The following BAZ1B variants were observed in gnomAD, a reference collection of about 807,000 sequenced individuals.
BAZ1B encodes the protein tyrosine-protein kinase BAZ1B.
A neutral mutation model predicts 153.8 loss-of-function variants in BAZ1B; 22 were observed. The ratio of observed to expected loss-of-function variants is 0.14; its 90% confidence interval spans 0.10 to 0.20. The LOEUF (loss-of-function observed/expected upper bound fraction) is 0.20. Ranked by LOEUF, BAZ1B falls within the 10% of genes least tolerant of loss-of-function variation. The pLI is 1.00. For missense variants in BAZ1B, 1,325 were observed against 1,799.3 expected, an observed-to-expected ratio of 0.74 and a Z score of 4.77; for synonymous variants, 676 against 633.4, an observed-to-expected ratio of 1.07 and a Z score of -1.01.
chr7:73,519,924 T>C (rs1790966650), intron 1 of BAZ1B, among the ~76,000 whole-genome samples: 1 of 151,922 alleles, frequency 6.6e-6, no homozygotes, highest in African/African-American at 2.4e-5. Context: ...AGTAGGGTAC[T>C]GGCCAGGCGC....
intron 7 of BAZ1B, among the ~76,000 whole-genome samples, chr7:73,474,782 A>G (rs1788938417): frequency 6.6e-6 from 1 of 152,204 alleles, no homozygotes; most frequent in Non-Finnish European, 1.5e-5. Context: ...GTCTCCCCCA[A>G]AAAAAGTAAA....
chr7:73,466,452 G>A (rs781832104), intron 9 of BAZ1B, 51 bp from the exon 10 acceptor site: 1 of 1,311,496 alleles, frequency 7.6e-7, no homozygotes, highest in Non-Finnish European at 1.1e-6. Context: ...CCAATTGCTA[G>A]TTTCAAATCT....
intron 15 of BAZ1B, among the ~76,000 whole-genome samples, chr7:73,448,973 A>C (rs1464857612): frequency 1.3e-5 from 2 of 152,212 alleles, no homozygotes; most frequent in African/African-American, 4.8e-5. Context: ...TTGAGAAGCC[A>C]CCAAAGGAGC....
intron 11 of BAZ1B, 83 bp from the exon 12 acceptor site, chr7:73,463,182 AT>A: frequency 7.9e-7 from 1 of 1,265,812 alleles, no homozygotes; most frequent in South Asian, 1.5e-5. Context: ...AACATGTTTT[AT>A]TTCTAGAAAA....
intron 16 of BAZ1B, 103 bp downstream of exon 16, chr7:73,447,161 A>G: frequency 1.3e-6 from 2 of 1,598,654 alleles, no homozygotes; most frequent in Non-Finnish European, 1.7e-6. Context: ...GAGAAAAGGA[A>G]TAGGGCAAGC....
intron 4 of BAZ1B, among the ~76,000 whole-genome samples, chr7:73,495,740 T>C (rs1209295813): frequency 6.6e-6 from 1 of 152,204 alleles, no homozygotes; most frequent in Non-Finnish European, 1.5e-5. Context: ...GCGACATGAA[T>C]GAAGCTGGAG....
At chr7:73,455,590 G>A (rs1217024817) in intron 13 of BAZ1B, among the ~76,000 whole-genome samples, 4 of 151,990 alleles carry the variant, frequency 2.6e-5, no homozygotes, top group Admixed American at 2.0e-4. Context: ...AAGACCAGCC[G>A]GCCAACACAG....
chr7:73,445,273 C>T (rs1554566254), intron 16 of BAZ1B, among the ~76,000 whole-genome samples: 1 of 152,254 alleles, frequency 6.6e-6, no homozygotes, highest in Non-Finnish European at 1.5e-5. Flanking sequence ...TTCTGGATCA[C>T]GATAACCCTT....
intron 13 of BAZ1B, among the ~76,000 whole-genome samples, chr7:73,458,146 G>A (rs1382822334): frequency 6.6e-6 from 1 of 152,188 alleles, no homozygotes; most frequent in African/African-American, 2.4e-5. Context: ...GAATAGTCTC[G>A]TGGGACAGAG....
chr7:73,498,779 A>G, intron 3 of BAZ1B, 81 bp from the exon 4 acceptor site: 1 of 1,198,328 alleles, frequency 8.3e-7, no homozygotes. Context: ...CATCCAATAT[A>G]CATGCCTCCT....
chr7:73,444,024 G>T lies in BAZ1B; in HGVS notation c.3950C>A (p.Pro1317His), dbSNP rs1554565716. 1.2e-6 allele frequency: 2 copies of T among 1,613,878 alleles called. No individual in the cohort carries two copies. Among genetic ancestry groups the T allele is most frequent in the Non-Finnish European group, 1.7e-6 (2 of 1,179,918 alleles). The change falls in exon 17 of 20, where the codon CCC becomes CAC. Residue 1317 changes from proline to histidine, a missense_variant. Around this residue, in one of 9 missense-constraint regions of BAZ1B, gnomAD observed 271 missense variants for 337.2 expected, o/e 0.80. Transcript: ENST00000339594. ...KKPHSTRRSQ[P>H]KAPPVDDAEV... ...AGCATCATCCACAGGTGGTGCCTTG[G>T]GCTGAGACCTCCTGGTAGAGTGTGG... is the stretch of plus-strand genomic sequence containing the variant.
At chr7:73,463,971 G>A (rs1304558511) in intron 11 of BAZ1B, 1 of 273,242 alleles carries the variant, frequency 3.7e-6, no homozygotes, top group East Asian at 1.8e-4. Flanking sequence ...CTCCCAAAAT[G>A]CTGGGATTAC....
At chr7:73,506,985 T>C (rs1444911407) in intron 3 of BAZ1B, among the ~76,000 whole-genome samples, 4 of 143,716 alleles carry the variant, frequency 2.8e-5, no homozygotes, top group Non-Finnish European at 6.1e-5. Flanking sequence ...TTCACGCCAT[T>C]CTCCTGCCTC....
rs1554571831 is a variant in BAZ1B at position 73,470,406 on chromosome 7, T to C, written c.2671A>G (p.Ile891Val). Residue 891 changes from isoleucine (I) to valine (V), a missense_variant, in exon 8 of 20, where the codon ATT (isoleucine) becomes GTT (valine). Physicochemically the swap from Ile to Val is conservative, Grantham distance 29 (BLOSUM62 3). Coordinates refer to ENST00000339594, the MANE Select transcript of BAZ1B (RefSeq NM_032408.4). Reference protein sequence around the residue: ...AAAEKAFQEGIAKAKLVMRRT... With the variant: ...AAAEKAFQEGVAKAKLVMRRT... ...CGCATGACTAGTTTGGCCTTGGCAA[T>C]CCCTTCCTGGAAAGCTTTCTCAGCA... is the stretch of plus-strand genomic sequence containing the variant. 6.2e-7 allele frequency: 1 copy of C among 1,614,154 alleles called. No individual in the cohort carries two copies. Among genetic ancestry groups the C allele is most frequent in the South Asian group, 1.1e-5 (1 of 91,090 alleles).
intron 6 of BAZ1B, among the ~76,000 whole-genome samples, chr7:73,485,913 T>C (rs781792005): frequency 6.6e-6 from 1 of 152,094 alleles, no homozygotes; most frequent in Non-Finnish European, 1.5e-5. Flanking sequence ...ACTAACAAAA[T>C]AGGGCTGCAA....
At chr7:73,481,986 C>T (rs1789221015) in intron 6 of BAZ1B, among the ~76,000 whole-genome samples, 1 of 152,134 alleles carries the variant, frequency 6.6e-6, no homozygotes, top group Non-Finnish European at 1.5e-5. Flanking sequence ...TCGCAGTGAG[C>T]CGAGATCCCG....
chr7:73,482,589 C>T (rs542257783), intron 6 of BAZ1B, among the ~76,000 whole-genome samples: 46 of 152,266 alleles, frequency 3.0e-4, no homozygotes, highest in African/African-American at 1.1e-3. Flanking sequence ...GTTACAATAA[C>T]TGGGACACTT....
In BAZ1B at chr7:73,512,028, C is replaced by CAAAAAA. The variant is rs1168749967; in HGVS notation, c.108-1182_108-1177dup. On this transcript the variant is annotated intron_variant, in intron 1 of 19. Coordinates refer to ENST00000339594, the MANE Select transcript of BAZ1B (RefSeq NM_032408.4). The stretch of plus-strand genomic sequence containing the variant: ...GGGTGATAAGAGCGAAACTCCACCT[C>CAAAAAA]AAAAAAAAAAAAAAAAAAAAAAAAA... Among the ~76,000 whole-genome samples the CAAAAAA allele has an allele frequency of 5.5e-4, 19 of 34,748 alleles. 1 individual carries two copies. Among genetic ancestry groups the CAAAAAA allele is most frequent in the African/African-American group, 2.2e-3 (18 of 8,142 alleles). 22.8% of individuals were successfully genotyped at this position (34,748 alleles called of 152,430 possible). A position where few individuals can be genotyped will look rare whatever the true frequency, so the allele number is the denominator to read the frequency against.
chr7:73,502,943 T>G (rs1369245379), intron 3 of BAZ1B, among the ~76,000 whole-genome samples: 1 of 152,244 alleles, frequency 6.6e-6, no homozygotes, highest in Non-Finnish European at 1.5e-5. Flanking sequence ...CTTCTGCGAC[T>G]TCTTTCAAGT....
Sources: gnomAD v4.1 joint callset for allele counts (sites outside exome capture counted in the v4.1 genomes callset) on GRCh38, gnomAD v4.1.1 for gene constraint, gnomAD v4.1.1 regional missense constraint, MANE v1.5 for transcripts, NCBI Gene and HGNC (gene_info 2026-07-23, HGNC 2026-07-21) for gene names.